Variants in ZFYVE9 observed in about 807,000 individuals in gnomAD.
ZFYVE9 encodes zinc finger FYVE domain-containing protein 9.
A neutral mutation model predicts 126.7 loss-of-function variants in ZFYVE9; 43 were observed. The ratio of observed to expected loss-of-function variants is 0.34; its 90% CI spans 0.27 to 0.44. ZFYVE9 has a LOEUF of 0.44. ZFYVE9 is among the 20% of genes least tolerant of loss of function. The probability of loss-of-function intolerance (pLI) is 1.00; values close to 1 mark genes in which losing one functional copy is unlikely to be tolerated. For missense variants in ZFYVE9, 1,476 were observed against 1,697.0 expected (o/e 0.87, Z 2.29); for synonymous variants, 521 against 597.4 (o/e 0.87, Z 1.87).
In ZFYVE9 at chr1:52,160,606, G is replaced by A. The variant is rs1179567127; in HGVS notation, c.-143+18203G>A. 4.3e-6 allele frequency: 3 copies of A among 704,620 alleles called. No individual in the cohort carries two copies. In the African/African-American group the frequency reaches 5.3e-5, roughly 12 times the overall value. 43.6% of individuals were successfully genotyped at this position (704,620 alleles called of 1,614,324 possible). On this transcript the variant is annotated intron_variant, in intron 1 of 18. Coordinates refer to ENST00000287727, the MANE Select transcript of ZFYVE9 (RefSeq NM_004799.4). ...TACATTCAAAGGAATAGTCCATAGA[G>A]TCGGGCACCGTGTTAGCCAGGATGG...
At chr1:52,263,908 A>G in intron 5 of ZFYVE9, 36 bp downstream of exon 5, 1 of 1,399,280 alleles carries the variant, frequency 7.1e-7, no homozygotes, top group Non-Finnish European at 9.9e-7. Context: ...ATAGTTATTG[A>G]GACAAAACAA....
intron 13 of ZFYVE9, among the ~76,000 whole-genome samples, chr1:52,325,681 G>A (rs1203909515): frequency 6.6e-6 from 1 of 152,010 alleles, no homozygotes; most frequent in African/African-American, 2.4e-5. Context: ...CTACTTATTC[G>A]GTTTACTAAC....
intron 11 of ZFYVE9, among the ~76,000 whole-genome samples, chr1:52,295,076 C>T (rs1014508146): frequency 7.2e-5 from 11 of 152,020 alleles, no homozygotes; most frequent in African/African-American, 2.2e-4. Flanking sequence ...GGTATGGTGG[C>T]GCATGCCTGT....
intron 13 of ZFYVE9, among the ~76,000 whole-genome samples, chr1:52,332,417 A>T (rs1209891411): frequency 6.6e-6 from 1 of 152,190 alleles, no homozygotes; most frequent in Non-Finnish European, 1.5e-5. Context: ...TGAACTTAGA[A>T]TTTCAGATTA....
intron 1 of ZFYVE9, among the ~76,000 whole-genome samples, chr1:52,214,244 C>T (rs374943439): frequency 1.1e-4 from 16 of 151,978 alleles, no homozygotes; most frequent in African/African-American, 3.6e-4. Context: ...CTGGGTAACA[C>T]AGTGAAACCC....
chr1:52,273,057 A>G (rs1645710456), intron 7 of ZFYVE9, among the ~76,000 whole-genome samples: 5 of 152,062 alleles, frequency 3.3e-5, no homozygotes, highest in Admixed American at 3.3e-4. Context: ...GCCCAGGCGG[A>G]GTGCAATGGT....
chr1:52,243,147 A>G (rs932859413), intron 4 of ZFYVE9, among the ~76,000 whole-genome samples: 1 of 152,246 alleles, frequency 6.6e-6, no homozygotes, highest in Non-Finnish European at 1.5e-5. Flanking sequence ...GATTAATTCA[A>G]CAAACACTGA....
At chr1:52,288,486 A>G (rs190242111) in intron 10 of ZFYVE9, among the ~76,000 whole-genome samples, 2 of 152,324 alleles carry the variant, frequency 1.3e-5, no homozygotes, top group Non-Finnish European at 2.9e-5. Context: ...TTCATGATCA[A>G]TGTCAGAGAT....
chr1:52,205,656 A>G (rs539179063), intron 1 of ZFYVE9, among the ~76,000 whole-genome samples: 18 of 152,194 alleles, frequency 1.2e-4, no homozygotes, highest in African/African-American at 4.3e-4. Flanking sequence ...ACAGGTGTGA[A>G]CCACCATGCC....
At chr1:52,330,083 T>C (rs1429153463) in intron 13 of ZFYVE9, among the ~76,000 whole-genome samples, 1 of 150,996 alleles carries the variant, frequency 6.6e-6, no homozygotes, top group Non-Finnish European at 1.5e-5. Context: ...GACAACCCAG[T>C]TAAAAAATGG....
rs374287875 is a variant in ZFYVE9, at chr1:52,336,110, G to T, written c.3670+1342G>T. 9.9e-5 allele frequency among the ~76,000 whole-genome samples: 15 copies of T among 151,988 alleles called. No individual in the cohort carries two copies. The South Asian group carries it at 2.9e-3, about 29-fold the overall frequency. ...GATTGTGCCATTGTACTCCAGCCTG[G>T]GCGACAGAGTGAGACTCTATCTTTA... is the stretch of plus-strand genomic sequence containing the variant. On this transcript the variant is annotated intron_variant, in intron 15 of 18. Coordinates refer to ENST00000287727, the MANE Select transcript of ZFYVE9 (RefSeq NM_004799.4).
At chr1:52,167,271 A>G (rs1557433853) in intron 1 of ZFYVE9, among the ~76,000 whole-genome samples, 3 of 152,208 alleles carry the variant, frequency 2.0e-5, no homozygotes, top group East Asian at 1.9e-4. Context: ...CAGTGATCCA[A>G]TGTTAGGTAC....
intron 1 of ZFYVE9, chr1:52,162,110 T>TA (rs113612315): frequency 0.05 from 7,116 of 141,492 alleles, 404 homozygotes; most frequent in African/African-American, 0.15. Flanking sequence ...CATCCAGAAT[T>TA]AAAAAAAAAA....
intron 1 of ZFYVE9, among the ~76,000 whole-genome samples, chr1:52,186,698 G>A (rs189899551): frequency 2.0e-4 from 30 of 152,182 alleles, no homozygotes; most frequent in South Asian, 1.5e-3. Flanking sequence ...AATTAGAAAC[G>A]CAATCCCATT....
At chr1:52,183,434 A>G (rs1235499857) in intron 1 of ZFYVE9, among the ~76,000 whole-genome samples, 2 of 152,232 alleles carry the variant, frequency 1.3e-5, no homozygotes, top group Non-Finnish European at 2.9e-5. Context: ...TATTAAACAT[A>G]TGAGGAAATT....
intron 2 of ZFYVE9, among the ~76,000 whole-genome samples, chr1:52,226,917 G>A (rs982002990): frequency 1.3e-5 from 2 of 152,204 alleles, no homozygotes; most frequent in African/African-American, 4.8e-5. Flanking sequence ...GAGCAGAAGG[G>A]TAACTTTGAA....
chr1:52,288,925 C>CAAAAAAAAAA (rs775138803), intron 10 of ZFYVE9, among the ~76,000 whole-genome samples: 1 of 62,040 alleles, frequency 1.6e-5, no homozygotes, highest in Non-Finnish European at 3.5e-5. Context: ...GACTCTGTCT[C>CAAAAAAAAAA]AAAAAAAAAA....
At chr1:52,180,021 T>C in intron 1 of ZFYVE9, 9 of 856,128 alleles carry the variant, frequency 1.1e-5, no homozygotes, top group Non-Finnish European at 1.8e-5. Context: ...TGAAGACAAG[T>C]TTAATGAGGA....
rs780858039 is a variant in ZFYVE9, at chr1:52,263,766, C to A, written c.2179-7C>A. Reference sequence around the variant, plus strand: ...TTTGTGTGTTCTTCCCCCCCCCCCCCCCACAGGTTTTCTGTGCTTCCTGCT... The same window carrying A: ...TTTGTGTGTTCTTCCCCCCCCCCCCACCACAGGTTTTCTGTGCTTCCTGCT... On this transcript the variant is annotated splice_polypyrimidine_tract_variant and splice_region_variant and intron_variant, in intron 4 of 18. Coordinates refer to ENST00000287727, the MANE Select transcript of ZFYVE9 (RefSeq NM_004799.4). 2.3e-5 allele frequency: 28 copies of A among 1,221,752 alleles called. 1 individual carries two copies. The highest frequency in any genetic ancestry group is 4.6e-5 in the South Asian group (3 of 65,044). 75.7% of individuals were successfully genotyped at this position (1,221,752 alleles called of 1,614,324 possible).
Sources: allele counts gnomAD v4.1 joint callset (sites outside exome capture counted in the v4.1 genomes callset), GRCh38; gene constraint gnomAD v4.1.1; transcripts MANE v1.5; gene names NCBI Gene and HGNC (gene_info 2026-07-23, HGNC 2026-07-21).